The following ENPP2 variants were observed in gnomAD, a reference collection of about 807,000 sequenced individuals.
ENPP2 encodes the protein ectonucleotide pyrophosphatase/phosphodiesterase 2.
A neutral mutation model predicts 120.2 loss-of-function variants in ENPP2; 51 were observed. The observed-to-expected ratio is 0.42, with a 90% confidence interval of 0.34 to 0.54. ENPP2 has a LOEUF of 0.54. ENPP2 is among the 20% of genes least tolerant of loss of function. The pLI is 0.04. For missense variants in ENPP2, 920 were observed against 1,066.5 expected (o/e 0.86, Z 1.91); for synonymous variants, 365 against 366.4 (o/e 1.00, Z 0.04).
intron 12 of ENPP2, 149 bp downstream of exon 12, chr8:119,593,603 T>A: frequency 3.3e-6 from 2 of 604,946 alleles, no homozygotes; most frequent in Non-Finnish European, 5.9e-6. Flanking sequence ...TACTTTTCAA[T>A]CATGGCCTGA....
At chr8:119,616,497 A>G (rs1815469717) in intron 7 of ENPP2, 113 bp from the exon 8 acceptor site, 1 of 628,824 alleles carries the variant, frequency 1.6e-6, no homozygotes, top group Non-Finnish European at 2.6e-6. Flanking sequence ...TTAATTTCCA[A>G]AATTATATAA....
chr8:119,660,362 G>T (rs905847348), intron 1 of ENPP2, among the ~76,000 whole-genome samples: 15 of 152,174 alleles, frequency 9.9e-5, no homozygotes, highest in African/African-American at 3.4e-4. Flanking sequence ...AATTCATAGG[G>T]GTAGAAGCTG....
At chr8:119,636,171 A>C (rs1203735130) in intron 2 of ENPP2, among the ~76,000 whole-genome samples, 1 of 152,174 alleles carries the variant, frequency 6.6e-6, no homozygotes, top group Non-Finnish European at 1.5e-5. Flanking sequence ...TATAAAATTC[A>C]CCCAGTATTT....
At chr8:119,635,108 C>T (rs1816920525) in intron 2 of ENPP2, among the ~76,000 whole-genome samples, 1 of 152,214 alleles carries the variant, frequency 6.6e-6, no homozygotes, top group South Asian at 2.1e-4. Flanking sequence ...ATTTAAATAG[C>T]TTTTCATTGC....
chr8:119,596,330 G>T (rs2130505999), intron 11 of ENPP2, among the ~76,000 whole-genome samples: 1 of 152,314 alleles, frequency 6.6e-6, no homozygotes, highest in East Asian at 1.9e-4. Flanking sequence ...CATAACTCCT[G>T]CATTAGGGAG....
intron 8 of ENPP2, among the ~76,000 whole-genome samples, chr8:119,611,639 C>A (rs920342812): frequency 6.6e-6 from 1 of 152,178 alleles, no homozygotes; most frequent in Admixed American, 6.5e-5. Context: ...CGGAGCCAGG[C>A]TCTAGATTGG....
At chr8:119,614,223 A>G (rs1815309775) in intron 8 of ENPP2, among the ~76,000 whole-genome samples, 1 of 151,626 alleles carries the variant, frequency 6.6e-6, no homozygotes, top group African/African-American at 2.4e-5. Flanking sequence ...CTGCCACCAC[A>G]CCTGGCTAAT....
chr8:119,566,828 T>C (rs967670283), intron 22 of ENPP2, among the ~76,000 whole-genome samples: 1 of 152,262 alleles, frequency 6.6e-6, no homozygotes, highest in Admixed American at 6.5e-5. Context: ...AATGTAACTA[T>C]GTGAGTTTCT....
At chr8:119,670,475 C>T (rs193040169) in intron 1 of ENPP2, among the ~76,000 whole-genome samples, 1 of 152,178 alleles carries the variant, frequency 6.6e-6, no homozygotes, top group Non-Finnish European at 1.5e-5. Context: ...CCACCTGGGT[C>T]TAAGCACTAA....
At chr8:119,642,070 T>C (rs750801129), upstream of ENPP2, among the ~76,000 whole-genome samples, 1 of 152,206 alleles carries the variant, frequency 6.6e-6, no homozygotes, top group Non-Finnish European at 1.5e-5. Context: ...CATGCTCCAC[T>C]TGATGCCTTG....
intron 9 of ENPP2, among the ~76,000 whole-genome samples, chr8:119,607,690 A>G (rs2130630774): frequency 6.6e-6 from 1 of 151,624 alleles, no homozygotes; most frequent in East Asian, 1.9e-4. Flanking sequence ...AAAAAAAAAT[A>G]GAGAGAGACA....
At chr8:119,633,059 A>C (rs1291501284) in intron 2 of ENPP2, among the ~76,000 whole-genome samples, 2 of 152,230 alleles carry the variant, frequency 1.3e-5, no homozygotes, top group Non-Finnish European at 2.9e-5. Context: ...CCATCTCAAA[A>C]AACAACAACA....
chr8:119,607,088 G>A lies in ENPP2; in HGVS notation c.833+834C>T, dbSNP rs1587463589. ...TTAGAAAAATCCTGGAGTTCAGTGG[G>A]AAAATGAGGTGAAAATAGAGGCTTC... On this transcript the variant is annotated intron_variant, in intron 9 of 24. Transcript: ENST00000075322. Among the ~76,000 whole-genome samples, 6 of 152,218 alleles carry A rather than the reference G, an allele frequency of 3.9e-5. 1 individual carries two copies. Among genetic ancestry groups the A allele is most frequent in the African/African-American group, 1.4e-4 (6 of 41,532 alleles).
chr8:119,617,598 T>G, intron 5 of ENPP2, 35 bp from the exon 6 acceptor site: 1 of 1,447,490 alleles, frequency 6.9e-7, no homozygotes, highest in Non-Finnish European at 9.7e-7. Flanking sequence ...TTAGAAACAT[T>G]ATTACCAGAG....
At chr8:119,626,187 A>C (rs1718600599) in intron 3 of ENPP2, among the ~76,000 whole-genome samples, 1 of 152,200 alleles carries the variant, frequency 6.6e-6, no homozygotes, top group African/African-American at 2.4e-5. Flanking sequence ...GTGAGATGCT[A>C]TCTCTTAATA....
chr8:119,616,174 G>A (rs1001039222), intron 8 of ENPP2, 91 bp downstream of exon 8: 12 of 1,190,018 alleles, frequency 1.0e-5, no homozygotes, highest in African/African-American at 4.5e-5. Context: ...GAAATTATAC[G>A]CATTTTTTCC....
At chr8:119,605,169 C>T (rs1814615917) in intron 9 of ENPP2, among the ~76,000 whole-genome samples, 1 of 151,978 alleles carries the variant, frequency 6.6e-6, no homozygotes, top group Admixed American at 6.6e-5. Flanking sequence ...ACTCCTCGGG[C>T]TTGGTGATCC....
chr8:119,566,081 T>C (rs1314577379), intron 22 of ENPP2, among the ~76,000 whole-genome samples: 1 of 152,220 alleles, frequency 6.6e-6, no homozygotes, highest in African/African-American at 2.4e-5. Flanking sequence ...TTGCACTTGC[T>C]CTTTCCTTCG....
intron 19 of ENPP2, among the ~76,000 whole-genome samples, chr8:119,573,495 TATATAG>T (rs140902207): frequency 0.12 from 17,539 of 151,314 alleles, 1,069 homozygotes; most frequent in Middle Eastern, 0.19. Context: ...CTGCTCTACA[TATATAG>T]ATTCAACTTG....
Sources: gnomAD v4.1 joint callset for allele counts (sites outside exome capture counted in the v4.1 genomes callset) on GRCh38, gnomAD v4.1.1 for gene constraint, MANE v1.5 for transcripts, NCBI Gene and HGNC (gene_info 2026-07-23, HGNC 2026-07-21) for gene names.